Variants in SAMMSON observed in about 807,000 individuals in gnomAD.
The protein encoded by SAMMSON is survival associated mitochondrial melanoma specific oncogenic non-coding RNA.
At chr3:70,317,939 G>GT (rs1248079843) in intron 7 of SAMMSON, among the ~76,000 whole-genome samples, 1 of 151,262 alleles carries the variant, frequency 6.6e-6, no homozygotes, top group Non-Finnish European at 1.5e-5. Flanking sequence ...TTATTGACAG[G>GT]TTTTTTTTGT....
At chr3:70,318,324 C>A (rs1324083570) in intron 7 of SAMMSON, among the ~76,000 whole-genome samples, 1 of 151,932 alleles carries the variant, frequency 6.6e-6, no homozygotes, top group Non-Finnish European at 1.5e-5. Context: ...TCCCTTTTCT[C>A]TGTTCTTCAG....
intron 4 of SAMMSON, among the ~76,000 whole-genome samples, chr3:70,233,153 C>T (rs372609678): frequency 2.6e-5 from 4 of 152,202 alleles, no homozygotes; most frequent in African/African-American, 7.2e-5. Flanking sequence ...CGCGCCACTG[C>T]ATTCCAGCCT....
chr3:70,103,644 A>T (rs1236649693), intron 4 of SAMMSON, among the ~76,000 whole-genome samples: 1 of 152,172 alleles, frequency 6.6e-6, no homozygotes, highest in Non-Finnish European at 1.5e-5. Context: ...ACTACTGCAC[A>T]AGATAGCCCA....
At chr3:70,234,621 C>A (rs1371737542) in intron 4 of SAMMSON, among the ~76,000 whole-genome samples, 2 of 150,646 alleles carry the variant, frequency 1.3e-5, no homozygotes, top group Non-Finnish European at 2.9e-5. Context: ...GCCTGGGTGA[C>A]CAAGTGAGAC....
chr3:70,263,859 C>T lies in SAMMSON; in HGVS notation n.674+14189C>T, dbSNP rs116363224. On this transcript the variant is annotated intron_variant and non_coding_transcript_variant, in intron 6 of 9. Transcript: ENST00000642114. ...GCAGAAGGTCTGGGCGATGGTGGAA[C>T]TCACTTTGTTTCCTTTCTCTCGGGG... Among the ~76,000 whole-genome samples, 690 of 152,258 alleles carry T rather than the reference C, an allele frequency of 4.5e-3. 4 individuals are homozygous for T. The highest frequency in any genetic ancestry group is 0.016 in the African/African-American group (677 of 41,552).
chr3:70,267,659 G>A (rs1225299567), intron 6 of SAMMSON, among the ~76,000 whole-genome samples: 3 of 146,502 alleles, frequency 2.0e-5, no homozygotes, highest in South Asian at 2.2e-4. Flanking sequence ...CTCGAGGTCC[G>A]CCTGCCTCGG....
chr3:70,083,893 C>T (rs2067276424), intron 4 of SAMMSON, among the ~76,000 whole-genome samples: 1 of 152,060 alleles, frequency 6.6e-6, no homozygotes, highest in Admixed American at 6.6e-5. Flanking sequence ...CTGTAAGCTG[C>T]ATTCCAAGTA....
chr3:70,344,145 T>C (rs1251315449), intron 7 of SAMMSON, among the ~76,000 whole-genome samples: 3 of 151,976 alleles, frequency 2.0e-5, no homozygotes, highest in African/African-American at 7.3e-5. Flanking sequence ...GCCTGGAAAC[T>C]TGTGGCCCTA....
At chr3:70,196,754 G>C (rs1701185706) in intron 4 of SAMMSON, 3 of 393,706 alleles carry the variant, frequency 7.6e-6, no homozygotes, top group Non-Finnish European at 1.3e-5. Flanking sequence ...TTTGGAATAA[G>C]ACCATTGAGT....
intron 4 of SAMMSON, among the ~76,000 whole-genome samples, chr3:70,244,977 T>C (rs1407689447): frequency 1.3e-5 from 2 of 152,184 alleles, no homozygotes; most frequent in East Asian, 1.9e-4. Context: ...ACTACTTATC[T>C]GGTGCTATTA....
chr3:70,103,058 G>T (rs1056503707), intron 4 of SAMMSON, among the ~76,000 whole-genome samples: 1 of 152,126 alleles, frequency 6.6e-6, no homozygotes, highest in African/African-American at 2.4e-5. Context: ...GCAGGCCAAG[G>T]TTGGCACTTG....
intron 7 of SAMMSON, among the ~76,000 whole-genome samples, chr3:70,340,507 G>C (rs1006562246): frequency 6.6e-6 from 1 of 152,084 alleles, no homozygotes; most frequent in Admixed American, 6.6e-5. Context: ...GATAAGAGTA[G>C]TTCACTGTAC....
intron 4 of SAMMSON, among the ~76,000 whole-genome samples, chr3:70,244,626 TG>T (rs1337050039): frequency 6.6e-6 from 1 of 152,202 alleles, no homozygotes; most frequent in Non-Finnish European, 1.5e-5. Flanking sequence ...GACAGCCAGC[TG>T]TAAGTCTCTT....
At position 70,219,086 on chromosome 3, in the gene SAMMSON, C is replaced by T. The variant is rs547418418; in HGVS notation, n.508-30021C>T. On this transcript the variant is annotated intron_variant and non_coding_transcript_variant, in intron 4 of 9. Transcript: ENST00000642114. ...AAATTATTTCTAAACACCAAATAGT[C>T]ATTATAGTCAAGGCTTTCAAGTTTA... Among the ~76,000 whole-genome samples the T allele has an allele frequency of 2.6e-5, 4 of 152,214 alleles. No homozygotes were observed. The East Asian group carries it at 7.7e-4, about 29-fold the overall frequency.
chr3:70,294,426 A>G (rs931632334), intron 7 of SAMMSON, among the ~76,000 whole-genome samples: 4 of 152,180 alleles, frequency 2.6e-5, no homozygotes, highest in Non-Finnish European at 5.9e-5. Flanking sequence ...GTAGGAGAAT[A>G]TAGAAAGGAA....
intron 2 of SAMMSON, among the ~76,000 whole-genome samples, chr3:70,399,909 A>G (rs1287797126): frequency 1.3e-5 from 2 of 151,898 alleles, no homozygotes; most frequent in Non-Finnish European, 2.9e-5. Context: ...AACAACACCA[A>G]CAACAAAAAT....
Position 70,352,110 on chromosome 3 carries a change from C to CA in SAMMSON, n.740-2049dup, listed in dbSNP as rs71126499. Among the ~76,000 whole-genome samples, 518 of 138,960 alleles carry CA rather than the reference C, an allele frequency of 3.7e-3. 3 individuals carry two copies. Among genetic ancestry groups the CA allele is most frequent in the Middle Eastern group, 0.011 (3 of 264 alleles). The allele number at this position is 138,960 out of a possible 152,430, so 91.2% of individuals were successfully genotyped here. A position where few individuals can be genotyped will look rare whatever the true frequency, so the allele number is the denominator to read the frequency against. ...ATAATGAACCAACTTCTCAATCTGG[C>CA]AAAAAAAAAAAAAAAATGATGAACC... On this transcript the variant is annotated intron_variant and non_coding_transcript_variant, in intron 7 of 9. Coordinates refer to ENST00000642114, the Ensembl canonical transcript of SAMMSON.
intron 4 of SAMMSON, among the ~76,000 whole-genome samples, chr3:70,130,249 A>T (rs768618356): frequency 3.3e-5 from 5 of 152,206 alleles, no homozygotes; most frequent in African/African-American, 1.2e-4. Context: ...AAAGAATTGC[A>T]TCTGAGGAGC....
At chr3:70,100,529 G>A (rs76644009) in intron 4 of SAMMSON, among the ~76,000 whole-genome samples, 2 of 196 alleles carry the variant, frequency 0.01, no homozygotes, top group African/African-American at 0.018. Context: ...GGGGGGGGGG[G>A]GGGGAAGCAC....
Sources: allele counts gnomAD v4.1 joint callset (sites outside exome capture counted in the v4.1 genomes callset), GRCh38; gene constraint gnomAD v4.1.1; transcripts MANE v1.5; gene names NCBI Gene and HGNC (gene_info 2026-07-23, HGNC 2026-07-21).